Variants in CYP3A4 observed in about 807,000 individuals in gnomAD.
The protein encoded by CYP3A4 is cytochrome P450 3A4.
In CYP3A4, 41 loss-of-function variants were observed where a neutral mutation model predicts 54.9. The ratio of observed to expected loss-of-function variants is 0.75; its 90% CI spans 0.58 to 0.97. The LOEUF (loss-of-function observed/expected upper bound fraction) is 0.97, where lower values mean the gene tolerates loss of function less well. CYP3A4 is among the 50% of genes least tolerant of loss of function. The pLI is 0.00. For synonymous variants in CYP3A4, 179 were observed against 205.2 expected, an observed-to-expected ratio of 0.87 and a Z score of 1.09; for missense variants, 510 against 597.3, an observed-to-expected ratio of 0.85 and a Z score of 1.52.
intron 11 of CYP3A4, among the ~76,000 whole-genome samples, chr7:99,761,256 T>G (rs1584539859): frequency 6.6e-6 from 1 of 152,202 alleles, no homozygotes; most frequent in Non-Finnish European, 1.5e-5. Flanking sequence ...TGAAATTATA[T>G]TCAGGGTGGT....
intron 8 of CYP3A4, chr7:99,766,686 C>A: frequency 1.9e-6 from 1 of 532,176 alleles, no homozygotes; most frequent in Non-Finnish European, 3.3e-6. Context: ...CGCTACACTT[C>A]AGCAGGTGGC....
At chr7:99,774,942 A>G (rs1212654425) in intron 3 of CYP3A4, among the ~76,000 whole-genome samples, 1 of 152,166 alleles carries the variant, frequency 6.6e-6, no homozygotes, top group Non-Finnish European at 1.5e-5. Flanking sequence ...AGGAAACCCC[A>G]TCGTCTCAGC....
intron 3 of CYP3A4, among the ~76,000 whole-genome samples, chr7:99,774,224 C>T (rs78585068): frequency 6.6e-6 from 1 of 152,066 alleles, no homozygotes; most frequent in African/African-American, 2.4e-5. Context: ...AAAAAAAGTC[C>T]AGGACCAAAT....
At chr7:99,782,051 A>C (rs1563046638) in intron 1 of CYP3A4, among the ~76,000 whole-genome samples, 1 of 152,232 alleles carries the variant, frequency 6.6e-6, no homozygotes, top group Non-Finnish European at 1.5e-5. Context: ...AGTTAGTGGA[A>C]GCGTGTGCAC....
intron 6 of CYP3A4, chr7:99,769,547 AAC>A (rs1815572639): frequency 3.6e-6 from 2 of 562,366 alleles, no homozygotes; most frequent in Non-Finnish European, 6.4e-6. Context: ...TGGATATGTA[AAC>A]CCTGGCCCCT....
At chr7:99,768,937 G>T (rs1400604444) in intron 6 of CYP3A4, among the ~76,000 whole-genome samples, 3 of 152,158 alleles carry the variant, frequency 2.0e-5, no homozygotes, top group Admixed American at 2.0e-4. Flanking sequence ...TTCCTCTTCA[G>T]CACTTTACAA....
At chr7:99,778,185 G>T (rs1428581494) in intron 2 of CYP3A4, 105 bp from the exon 3 acceptor site, 2 of 847,472 alleles carry the variant, frequency 2.4e-6, no homozygotes, top group Non-Finnish European at 3.7e-6. Flanking sequence ...AGACTTGCTG[G>T]CAGTTAGAGG....
chr7:99,771,901 C>G (rs1203211670), intron 4 of CYP3A4, among the ~76,000 whole-genome samples: 2 of 152,046 alleles, frequency 1.3e-5, no homozygotes, highest in Non-Finnish European at 2.9e-5. Context: ...AAAAATGAAC[C>G]TTGATCTAAA....
intron 12 of CYP3A4, among the ~76,000 whole-genome samples, chr7:99,760,056 C>T (rs1389245878): frequency 9.2e-5 from 14 of 152,022 alleles, no homozygotes; most frequent in Non-Finnish European, 1.9e-4. Context: ...AGGATGGTCT[C>T]GATCTCCTGA....
At chr7:99,783,961 G>A in intron 1 of CYP3A4, 50 bp downstream of exon 1, 1 of 1,575,396 alleles carries the variant, frequency 6.3e-7, no homozygotes, top group Non-Finnish European at 8.7e-7. Context: ...GGCCTGATTA[G>A]CACCCCAAGT....
At position 99,764,007 on chromosome 7, in the gene CYP3A4, C is replaced by T. The variant is rs540702483; in HGVS notation, c.874G>A (p.Asp292Asn). The change falls in exon 10 of 13, where the codon GAT becomes AAT. Residue 292 changes from aspartate to asparagine, a missense_variant. By Grantham distance (23) the Asp-to-Asn change is conservative. This residue lies in a region of CYP3A4 where 238 missense variants were observed against 322.5 expected (regional missense o/e 0.74). Transcript: ENST00000651514. ...KETESHKALS[D>N]LELVAQSIIF... is the part of the protein sequence containing the mutation. ...ATTGATTGGGCCACGAGCTCCAGAT[C>T]GGACAGAGCTGAAAGGAGAGGAAAG... The T allele has an allele frequency of 2.5e-5, 40 of 1,613,844 alleles. No individual in the cohort carries two copies. Among genetic ancestry groups the T allele is most frequent in the African/African-American group, 9.3e-5 (7 of 75,012 alleles).
intron 11 of CYP3A4, 86 bp from the exon 12 acceptor site, chr7:99,761,067 C>T (rs1815312034): frequency 7.0e-7 from 1 of 1,437,586 alleles, no homozygotes. Context: ...TTAGGGGCCA[C>T]CCCTCAACTA....
chr7:99,770,439 G>A (rs1815603396), intron 4 of CYP3A4, among the ~76,000 whole-genome samples: 2 of 151,534 alleles, frequency 1.3e-5, no homozygotes, highest in Admixed American at 1.3e-4. Flanking sequence ...GGGGCGGGGG[G>A]GTGGCGGCAG....
At chr7:99,764,881 G>A (rs796088610) in intron 9 of CYP3A4, among the ~76,000 whole-genome samples, 6 of 152,290 alleles carry the variant, frequency 3.9e-5, no homozygotes, top group Admixed American at 1.3e-4. Flanking sequence ...GGCCCCTCTT[G>A]ATTTTTCTCC....
chr7:99,766,483 T>C, intron 8 of CYP3A4, 40 bp from the exon 9 acceptor site: 1 of 1,612,406 alleles, frequency 6.2e-7, no homozygotes. Context: ...AGAAAGTGGC[T>C]CCTGAAGTCA....
rs563434875 is a variant in CYP3A4, at chr7:99,761,796, A to G, written c.1253+245T>C. Among the ~76,000 whole-genome samples the G allele has an allele frequency of 2.6e-5, 4 of 152,338 alleles. No homozygotes were observed. The East Asian group carries it at 7.7e-4, about 29-fold the overall frequency. On this transcript the variant is annotated intron_variant, in intron 11 of 12. Coordinates refer to ENST00000651514, the MANE Select transcript of CYP3A4 (RefSeq NM_017460.6). ...CTTACATTTTGGACACTGATGACCC[A>G]TAAGGACATAACTGATGACCTTCAT...
intron 9 of CYP3A4, among the ~76,000 whole-genome samples, chr7:99,764,264 C>A (rs1194474844): frequency 3.3e-5 from 5 of 152,110 alleles, no homozygotes; most frequent in African/African-American, 7.2e-5. Context: ...TCATGCCACC[C>A]CCGCCACCTG....
intron 7 of CYP3A4, among the ~76,000 whole-genome samples, chr7:99,767,857 A>AG (rs1348824466): frequency 1.3e-5 from 2 of 152,226 alleles, no homozygotes; most frequent in Non-Finnish European, 2.9e-5. Context: ...TAGCAAAGGA[A>AG]GTGCTCAGAG....
At chr7:99,773,825 G>A (rs12670850) in intron 3 of CYP3A4, among the ~76,000 whole-genome samples, 67,704 of 151,784 alleles carry the variant, frequency 0.45, 17,614 homozygotes, top group Middle Eastern at 0.68. Flanking sequence ...AAGCTAGCAG[G>A]AGACAAGAAA....
Sources: allele counts gnomAD v4.1 joint callset (sites outside exome capture counted in the v4.1 genomes callset), GRCh38; gene constraint gnomAD v4.1.1; regional missense constraint gnomAD v4.1.1; transcripts MANE v1.5; gene names NCBI Gene and HGNC (gene_info 2026-07-23, HGNC 2026-07-21).